Variants in SCAMP4 observed in about 807,000 individuals in gnomAD.
SCAMP4 encodes secretory carrier-associated membrane protein 4.
SCAMP4 carries 19 observed loss-of-function variants against 32.1 expected under a neutral mutation model. The observed-to-expected ratio is 0.59, with a 90% CI of 0.41 to 0.87. SCAMP4 has a LOEUF of 0.87. Among genes scored for constraint, SCAMP4 ranks in the 40% least tolerant of loss-of-function variants. The pLI, the probability that SCAMP4 is intolerant of heterozygous loss-of-function variation, is 0.00. For missense variants in SCAMP4, 302 were observed against 309.0 expected, an observed-to-expected ratio of 0.98 and a Z score of 0.17; for synonymous variants, 152 against 132.7, an observed-to-expected ratio of 1.15 and a Z score of -1.00.
intron 5 of SCAMP4, chr19:1,920,888 C>T (rs1264912348): frequency 2.0e-6 from 2 of 985,500 alleles, no homozygotes; most frequent in Non-Finnish European, 2.4e-6. Context: ...GACCTCCCTG[C>T]CCCCTCGGCC....
chr19:1,911,706 C>G (rs1337771186), intron 1 of SCAMP4, among the ~76,000 whole-genome samples: 1 of 152,132 alleles, frequency 6.6e-6, no homozygotes, highest in Non-Finnish European at 1.5e-5. Flanking sequence ...TAGCTTGAAC[C>G]CGGGAGGCGG....
chr19:1,917,460 C>A (rs916611441), intron 2 of SCAMP4, among the ~76,000 whole-genome samples: 2 of 152,212 alleles, frequency 1.3e-5, no homozygotes, highest in East Asian at 3.8e-4. Context: ...CCCCTTTCTC[C>A]CCCTTCACAG....
At position 1,924,514 on chromosome 19, in the gene SCAMP4, C is replaced by T. The variant is rs923283117; in HGVS notation, c.*230C>T. On this transcript the variant is annotated 3_prime_UTR_variant, in exon 7 of 7. Transcript: ENST00000316097. Reference sequence around the variant, plus strand: ...CTCCCCAGCAGCCCTTGGCCTCTGCCGTCCACAGGACGCCCTCTTGCTCCC... The same window carrying T: ...CTCCCCAGCAGCCCTTGGCCTCTGCTGTCCACAGGACGCCCTCTTGCTCCC... 3.5e-6 allele frequency: 2 copies of T among 564,742 alleles called. No individual in the cohort carries two copies. The highest frequency in any genetic ancestry group is 1.9e-5 in the African/African-American group (1 of 53,238). The allele number at this position is 564,742 out of a possible 1,614,324, so 35.0% of individuals were successfully genotyped here.
At position 1,924,939 on chromosome 19, in the gene SCAMP4, G is replaced by C. The variant is rs1026209968; in HGVS notation, c.*655G>C. The C allele has an allele frequency of 1.7e-4, 26 of 152,578 alleles. No homozygotes were observed. The highest frequency in any genetic ancestry group is 6.0e-4 in the African/African-American group (25 of 41,432). The allele number at this position is 152,578 out of a possible 1,614,324, so 9.5% of individuals were successfully genotyped here. A position where few individuals can be genotyped will look rare whatever the true frequency, so the allele number is the denominator to read the frequency against. ...GGCCACCCTCCCTGCCTCCAAAACA[G>C]GGATCCCTGGCAGGCTGTCTTTCCA... On this transcript the variant is annotated 3_prime_UTR_variant, in exon 7 of 7. Coordinates refer to ENST00000316097, the MANE Select transcript of SCAMP4 (RefSeq NM_079834.4).
At chr19:1,923,615 CTTTTT>C (rs35226425) in intron 6 of SCAMP4, among the ~76,000 whole-genome samples, 11 of 86,466 alleles carry the variant, frequency 1.3e-4, no homozygotes, top group Admixed American at 5.0e-4. Context: ...CAGCAAAATG[CTTTTT>C]TTTTTTTTTT....
intron 5 of SCAMP4, chr19:1,921,390 T>C: frequency 1.0e-6 from 1 of 985,402 alleles, no homozygotes. Context: ...GGGGCCTAGC[T>C]GTGTAGATGG....
rs528813362 is a variant in SCAMP4 at position 1,925,207 on chromosome 19, C to T, written c.*923C>T. On this transcript the variant is annotated 3_prime_UTR_variant, in exon 7 of 7. Coordinates refer to ENST00000316097, the MANE Select transcript of SCAMP4 (RefSeq NM_079834.4). Reference sequence around the variant, plus strand: ...CTGCCTCCCGTGTTCAAGCAGTTCTCCTGCCTCAGCCTCCCAAATAGCTGG... The same window carrying T: ...CTGCCTCCCGTGTTCAAGCAGTTCTTCTGCCTCAGCCTCCCAAATAGCTGG... 6.6e-6 allele frequency: 1 copy of T among 152,358 alleles called. No homozygotes were observed. The highest frequency in any genetic ancestry group is 1.9e-4 in the East Asian group (1 of 5,180). The allele number at this position is 152,358 out of a possible 1,614,324, so 9.4% of individuals were successfully genotyped here.
In SCAMP4 at chr19:1,908,545, C is replaced by T. The variant is rs1460440316; in HGVS notation, c.-42+3106C>T. The T allele has an allele frequency of 6.4e-6, 3 of 471,060 alleles. No homozygotes were observed. Among genetic ancestry groups the T allele is most frequent in the African/African-American group, 6.0e-5 (3 of 50,090 alleles). 29.2% of individuals were successfully genotyped at this position (471,060 alleles called of 1,614,324 possible). Reference sequence around the variant, plus strand: ...AGTCCAGGCTGGCAGTTCAGGATCACCCGGCTGGAGTCATTTTAAGATCAT... The same window carrying T: ...AGTCCAGGCTGGCAGTTCAGGATCATCCGGCTGGAGTCATTTTAAGATCAT... On this transcript the variant is annotated intron_variant, in intron 1 of 6. Transcript: ENST00000316097. The surrounding 1 kb of genome is among the most constrained non-coding windows in gnomAD (Gnocchi z 4.2).
intron 5 of SCAMP4, chr19:1,919,341 A>C: frequency 8.6e-7 from 1 of 1,157,164 alleles, no homozygotes; most frequent in African/African-American, 1.6e-5. Flanking sequence ...ATGTTTCTGC[A>C]CGGATCGCTG....
At chr19:1,912,479 G>T (rs746070682) in intron 1 of SCAMP4, 15 of 1,499,798 alleles carry the variant, frequency 1.0e-5, no homozygotes, top group Non-Finnish European at 1.2e-5. Context: ...TGGTGCCCGT[G>T]CCCGCCCGGC....
chr19:1,912,991 T>G, intron 1 of SCAMP4: 2 of 1,608,934 alleles, frequency 1.2e-6, no homozygotes, highest in Non-Finnish European at 1.7e-6. Context: ...ATGGCCCTGG[T>G]GCACGCACGC....
chr19:1,922,606 C>T (rs1157766230), intron 5 of SCAMP4: 39 of 985,234 alleles, frequency 4.0e-5, no homozygotes, highest in Middle Eastern at 5.2e-4. Flanking sequence ...GCATTGCTCC[C>T]GGACATGCGG....
Position 1,918,292 on chromosome 19 carries a change from A to C in SCAMP4, c.293+9A>C, listed in dbSNP as rs758445622. On this transcript the variant is annotated intron_variant, in intron 4 of 6. Coordinates refer to ENST00000316097, the MANE Select transcript of SCAMP4 (RefSeq NM_079834.4). ...GTCTACAAGGCCTTCCGGTGAGCAGAGCTGCCGGGGGCCGTCTGCACCCAG... is the reference window on the plus strand; with the variant it reads ...GTCTACAAGGCCTTCCGGTGAGCAGCGCTGCCGGGGGCCGTCTGCACCCAG... 3.1e-6 allele frequency: 5 copies of C among 1,590,372 alleles called. No homozygotes were observed. The South Asian group carries it at 4.5e-5, about 14-fold the overall frequency.
rs538678744 is a variant in SCAMP4, at chr19:1,923,688, T to G, written c.514-420T>G. 6.9e-3 allele frequency among the ~76,000 whole-genome samples: 1,016 copies of G among 147,102 alleles called. 15 individuals are homozygous for G. The highest frequency in any genetic ancestry group is 0.01 in the Non-Finnish European group (704 of 67,224). On this transcript the variant is annotated intron_variant, in intron 6 of 6. Coordinates refer to ENST00000316097, the MANE Select transcript of SCAMP4 (RefSeq NM_079834.4). ...GGCTGGAGTGTAGTGGTGCGATCTC[T>G]GCTCACTGCAAGCTCCGCCTCTGGG...
chr19:1,905,431 A>T lies in SCAMP4; in HGVS notation c.-50A>T, dbSNP rs1210905293. On this transcript the variant is annotated 5_prime_UTR_variant, in exon 1 of 7. Transcript: ENST00000316097. ...GGCGAAGCGCTGCGCTCGCGCCCGG[A>T]TCCCTCAGGTAAGCGCGCGGCCCCG... is the stretch of plus-strand genomic sequence containing the variant. The T allele has an allele frequency of 2.2e-6, 1 of 463,556 alleles. No homozygotes were observed. The highest frequency in any genetic ancestry group is 7.3e-5 in the East Asian group (1 of 13,606). The allele number at this position is 463,556 out of a possible 1,614,324, so 28.7% of individuals were successfully genotyped here.
chr19:1,921,062 C>T (rs569455501), intron 5 of SCAMP4: 2 of 985,436 alleles, frequency 2.0e-6, no homozygotes, highest in Non-Finnish European at 2.4e-6. Flanking sequence ...CCCGGCCCCC[C>T]TTGTAATGAG....
chr19:1,915,120 A>G (rs549904014), intron 2 of SCAMP4, 94 bp downstream of exon 2: 731 of 1,445,798 alleles, frequency 5.1e-4, no homozygotes, highest in Non-Finnish European at 6.8e-4. Flanking sequence ...CCGTTGGCAA[A>G]CAGTGTCCTC....
At chr19:1,912,615 C>T (rs1459042009) in intron 1 of SCAMP4, 2 of 1,476,350 alleles carry the variant, frequency 1.4e-6, no homozygotes, top group Non-Finnish European at 1.8e-6. Context: ...CGCCGCCATG[C>T]AGAGCCACAT....
chr19:1,915,346 T>A, intron 2 of SCAMP4: 1 of 452,848 alleles, frequency 2.2e-6, no homozygotes. Context: ...CCTCACCCAC[T>A]CATTTACTGG....
Sources: allele counts gnomAD v4.1 joint callset (sites outside exome capture counted in the v4.1 genomes callset), GRCh38; gene constraint gnomAD v4.1.1; non-coding constraint Gnocchi (gnomAD v3.1); transcripts MANE v1.5; gene names NCBI Gene and HGNC (gene_info 2026-07-23, HGNC 2026-07-21).